The following MSRA variants were observed in gnomAD, a reference collection of about 807,000 sequenced individuals.
MSRA encodes the protein mitochondrial peptide methionine sulfoxide reductase.
In MSRA, 54 loss-of-function variants were observed where a neutral mutation model predicts 31.3. That is an observed-to-expected ratio of 1.73 (90% CI 1.39 to 2.17). The LOEUF is 2.17. Ranked by LOEUF, MSRA falls within the 30% of genes most tolerant of loss-of-function variation. The probability of loss-of-function intolerance (pLI) is 0.00; values close to 1 mark genes in which losing one functional copy is unlikely to be tolerated. For synonymous variants in MSRA, 169 were observed against 116.5 expected (o/e 1.45, Z -2.90); for missense variants, 507 against 300.9 (o/e 1.69, Z -5.07).
intron 5 of MSRA, among the ~76,000 whole-genome samples, chr8:10,340,271 A>G (rs1158920569): frequency 1.3e-5 from 2 of 152,156 alleles, no homozygotes; most frequent in African/African-American, 4.8e-5. Context: ...TTATGGGTTA[A>G]TACCACCAGG....
chr8:10,373,386 G>A (rs1805583697), intron 5 of MSRA, among the ~76,000 whole-genome samples: 1 of 152,230 alleles, frequency 6.6e-6, no homozygotes, highest in Non-Finnish European at 1.5e-5. Context: ...TTAGAGACAG[G>A]GTCTTGCTGT....
intron 5 of MSRA, among the ~76,000 whole-genome samples, chr8:10,335,637 G>T (rs574346056): frequency 5.3e-4 from 81 of 152,250 alleles, no homozygotes; most frequent in Non-Finnish European, 9.3e-4. Context: ...GCAGCTACCT[G>T]CCTCGGGCTC....
intron 1 of MSRA, among the ~76,000 whole-genome samples, chr8:10,108,647 C>T (rs1800059118): frequency 6.6e-6 from 1 of 152,188 alleles, no homozygotes; most frequent in African/African-American, 2.4e-5. Flanking sequence ...AAACTTTGGC[C>T]TGTGAGCAAT....
intron 3 of MSRA, among the ~76,000 whole-genome samples, chr8:10,269,527 T>C (rs17151540): frequency 0.18 from 27,846 of 152,256 alleles, 2,945 homozygotes; most frequent in East Asian, 0.48. Flanking sequence ...AGGGAAGTGT[T>C]ACCTACAGAG....
intron 1 of MSRA, among the ~76,000 whole-genome samples, chr8:10,160,245 A>G (rs1394070357): frequency 6.6e-6 from 1 of 152,132 alleles, no homozygotes; most frequent in Non-Finnish European, 1.5e-5. Flanking sequence ...ACACCTGCTC[A>G]GCACTTTGGG....
At chr8:10,320,991 C>G (rs1802015411) in intron 5 of MSRA, among the ~76,000 whole-genome samples, 1 of 152,166 alleles carries the variant, frequency 6.6e-6, no homozygotes, top group South Asian at 2.1e-4. Context: ...TTTTAGGACT[C>G]CAACATATCT....
At chr8:10,334,921 G>T (rs1279631694) in intron 5 of MSRA, among the ~76,000 whole-genome samples, 2 of 152,222 alleles carry the variant, frequency 1.3e-5, no homozygotes, top group Admixed American at 1.3e-4. Context: ...TTCGGGCCCC[G>T]CCGAGCCATC....
intron 1 of MSRA, among the ~76,000 whole-genome samples, chr8:10,186,065 C>T (rs1036230857): frequency 1.3e-5 from 2 of 152,162 alleles, no homozygotes; most frequent in Non-Finnish European, 2.9e-5. Flanking sequence ...AACAGCGTGC[C>T]TCTTACTGAT....
At chr8:10,294,257 CAT>C (rs1180111943) in intron 3 of MSRA, among the ~76,000 whole-genome samples, 3 of 152,108 alleles carry the variant, frequency 2.0e-5, no homozygotes, top group Admixed American at 6.5e-5. Context: ...AACTTTTAGA[CAT>C]AGATTCCCTG....
At chr8:10,125,772 G>A (rs1023713623) in intron 1 of MSRA, among the ~76,000 whole-genome samples, 1 of 152,240 alleles carries the variant, frequency 6.6e-6, no homozygotes, top group Non-Finnish European at 1.5e-5. Context: ...AGAAGATGCA[G>A]TATCTTAACC....
chr8:10,075,355 T>C (rs1489944368), intron 1 of MSRA, among the ~76,000 whole-genome samples: 1 of 152,238 alleles, frequency 6.6e-6, no homozygotes, highest in Non-Finnish European at 1.5e-5. Flanking sequence ...TTAATATTAA[T>C]GAATGTCAGT....
At chr8:10,399,418 G>T (rs960239885) in intron 5 of MSRA, among the ~76,000 whole-genome samples, 2 of 152,186 alleles carry the variant, frequency 1.3e-5, no homozygotes, top group Non-Finnish European at 2.9e-5. Context: ...ATGGCTTAGC[G>T]CCATCTCCTT....
chr8:10,154,384 T>C (rs1387932938), intron 1 of MSRA, among the ~76,000 whole-genome samples: 1 of 152,002 alleles, frequency 6.6e-6, no homozygotes, highest in Non-Finnish European at 1.5e-5. Flanking sequence ...CTTTTCTTTC[T>C]TTCTTTTTTT....
At chr8:10,405,862 C>G (rs1426771506) in intron 5 of MSRA, among the ~76,000 whole-genome samples, 2 of 152,268 alleles carry the variant, frequency 1.3e-5, no homozygotes, top group Admixed American at 6.5e-5. Context: ...CACCCATGTA[C>G]TCACACATAC....
chr8:10,312,153 A>G (rs1224466663), intron 4 of MSRA, among the ~76,000 whole-genome samples: 2 of 152,198 alleles, frequency 1.3e-5, no homozygotes, highest in African/African-American at 4.8e-5. Context: ...CCCAAACAGT[A>G]TAAAATAAAT....
chr8:10,335,842 A>G (rs1803006157), intron 5 of MSRA, among the ~76,000 whole-genome samples: 1 of 152,226 alleles, frequency 6.6e-6, no homozygotes, highest in African/African-American at 2.4e-5. Context: ...TCTGCTTCTC[A>G]TAAGGAGCCT....
chr8:10,225,474 A>C (rs189482380), intron 2 of MSRA, among the ~76,000 whole-genome samples: 1 of 152,236 alleles, frequency 6.6e-6, no homozygotes, highest in African/African-American at 2.4e-5. Context: ...TACTTGTTAG[A>C]TGAATCACGT....
At chr8:10,056,063 T>A (rs996752554) in intron 1 of MSRA, among the ~76,000 whole-genome samples, 6 of 152,082 alleles carry the variant, frequency 3.9e-5, no homozygotes, top group African/African-American at 1.4e-4. Flanking sequence ...ATCTTAAAAT[T>A]TTTTCTTTCT....
chr8:10,261,212 G>C (rs748223389), intron 3 of MSRA, among the ~76,000 whole-genome samples: 6 of 151,978 alleles, frequency 3.9e-5, no homozygotes, highest in Non-Finnish European at 7.4e-5. Flanking sequence ...ATGTCTTTAA[G>C]TTGCTATTTA....
Sources: gnomAD v4.1 joint callset for allele counts (sites outside exome capture counted in the v4.1 genomes callset) on GRCh38, gnomAD v4.1.1 for gene constraint, MANE v1.5 for transcripts, NCBI Gene and HGNC (gene_info 2026-07-23, HGNC 2026-07-21) for gene names.